Variants in NPHP4 observed in about 807,000 individuals in gnomAD.
NPHP4 encodes nephrocystin-4.
Under a neutral mutation model 155.8 loss-of-function variants are expected in NPHP4, and 151 were observed. The ratio of observed to expected loss-of-function variants is 0.97; its 90% CI spans 0.85 to 1.11. The LOEUF (loss-of-function observed/expected upper bound fraction) is 1.11. Ranked by LOEUF, NPHP4 falls within the 50% of genes least tolerant of loss-of-function variation. The pLI, the probability that NPHP4 is intolerant of heterozygous loss-of-function variation, is 0.00. For missense variants in NPHP4, 1,956 were observed against 1,925.7 expected, an observed-to-expected ratio of 1.02 and a Z score of -0.29; for synonymous variants, 845 against 816.8, an observed-to-expected ratio of 1.03 and a Z score of -0.59.
intron 23 of NPHP4, among the ~76,000 whole-genome samples, chr1:5,869,127 A>AC (rs35739724): frequency 0.14 from 18,744 of 135,216 alleles, 1,474 homozygotes; most frequent in Middle Eastern, 0.19. Flanking sequence ...ACACACGCAC[A>AC]ATGCACACAT....
rs545403191 is a variant in NPHP4, at chr1:5,939,369, C to T, written c.1120-6040G>A. On this transcript the variant is annotated intron_variant, in intron 9 of 29. Coordinates refer to ENST00000378156, the MANE Select transcript of NPHP4 (RefSeq NM_015102.5). ...AAAAGAAGCAACAGCAAAACTGTCA[C>T]GCATTTGGAGCCATGGCCTGGGTTG... Among the ~76,000 whole-genome samples, 85 of 152,358 alleles carry T rather than the reference C, an allele frequency of 5.6e-4. 1 individual carries two copies. Among genetic ancestry groups the T allele is most frequent in the South Asian group, 3.3e-3 (16 of 4,830 alleles).
intron 7 of NPHP4, 85 bp from the exon 8 acceptor site, chr1:5,948,336 G>T: frequency 1.0e-6 from 1 of 1,004,768 alleles, no homozygotes; most frequent in Non-Finnish European, 1.4e-6. Flanking sequence ...CGAGCAGAGA[G>T]AAGAAACTGG....
Position 5,986,320 on chromosome 1 carries a change from C to A in NPHP4, c.-31G>T. ...CCGCCTGAGGGTCCCGTGGGCTTCC[C>A]GGATGATCTGTGCCAGTCGTATTCA... On this transcript the variant is annotated 5_prime_UTR_variant, in exon 2 of 30. Coordinates refer to ENST00000378156, the MANE Select transcript of NPHP4 (RefSeq NM_015102.5). The A allele has an allele frequency of 6.2e-7, 1 of 1,611,888 alleles. No homozygotes were observed. Among genetic ancestry groups the A allele is most frequent in the East Asian group, 2.2e-5 (1 of 44,822 alleles).
At chr1:5,909,400 C>G (rs1410020261) in intron 11 of NPHP4, among the ~76,000 whole-genome samples, 187 bp from the exon 12 acceptor site, 3 of 152,208 alleles carry the variant, frequency 2.0e-5, no homozygotes, top group East Asian at 1.9e-4. Flanking sequence ...CGCTGTCTAT[C>G]TAGAGCCCTG....
chr1:5,926,349 G>C (rs12142363), intron 11 of NPHP4, among the ~76,000 whole-genome samples: 19,407 of 152,200 alleles, frequency 0.13, 1,432 homozygotes, highest in Non-Finnish European at 0.17. Flanking sequence ...AATCCTGAAA[G>C]ACCATGTTTA....
At chr1:5,863,758 A>G in intron 29 of NPHP4, 132 bp downstream of exon 29, 1 of 951,688 alleles carries the variant, frequency 1.1e-6, no homozygotes, top group Non-Finnish European at 1.6e-6. Flanking sequence ...ATGGGATGGT[A>G]CCTGTCACCG....
intron 11 of NPHP4, among the ~76,000 whole-genome samples, chr1:5,920,291 C>T (rs1645677409): frequency 6.6e-6 from 1 of 151,832 alleles, no homozygotes; most frequent in African/African-American, 2.4e-5. Flanking sequence ...GAACTCTTGG[C>T]TTCAAGCCAT....
intron 9 of NPHP4, among the ~76,000 whole-genome samples, chr1:5,942,683 G>A (rs373520164): frequency 4.0e-4 from 61 of 151,284 alleles, no homozygotes; most frequent in African/African-American, 1.3e-3. Flanking sequence ...AACTGGACAC[G>A]GTACTGGAGG....
chr1:5,973,025 C>T (rs573116938), intron 3 of NPHP4, among the ~76,000 whole-genome samples: 2 of 152,198 alleles, frequency 1.3e-5, no homozygotes, highest in South Asian at 2.1e-4. Context: ...GCTGGGATTA[C>T]GCGTGTGTGC....
chr1:5,912,455 G>A (rs1345201680), intron 11 of NPHP4, among the ~76,000 whole-genome samples: 7 of 150,524 alleles, frequency 4.7e-5, no homozygotes, highest in African/African-American at 9.8e-5. Context: ...GGAGAATGGC[G>A]TGAACCCGGG....
intron 23 of NPHP4, among the ~76,000 whole-genome samples, chr1:5,870,732 C>A (rs1380776098): frequency 6.6e-6 from 1 of 152,246 alleles, no homozygotes; most frequent in Non-Finnish European, 1.5e-5. Flanking sequence ...GTATGATGTT[C>A]GTAGAGGACA....
Position 5,905,847 on chromosome 1 carries a change from G to A in NPHP4, c.1612-64C>T. 6.7e-7 allele frequency: 1 copy of A among 1,491,062 alleles called. No individual in the cohort carries two copies. The highest frequency in any genetic ancestry group is 1.2e-5 in the South Asian group (1 of 80,082). 92.4% of individuals were successfully genotyped at this position (1,491,062 alleles called of 1,614,324 possible). The stretch of plus-strand genomic sequence containing the variant: ...ACCCCAACCCGTAACAACCAACGGT[G>A]CTCAGATCTAAGGGGATTCATCGAT... On this transcript the variant is annotated intron_variant, in intron 13 of 29. Transcript: ENST00000378156. The surrounding 1 kb of genome is among the most constrained non-coding windows in gnomAD (Gnocchi z 4.0).
At chr1:5,878,822 TTCTC>T (rs1389181411) in intron 19 of NPHP4, among the ~76,000 whole-genome samples, 1 of 152,150 alleles carries the variant, frequency 6.6e-6, no homozygotes, top group Non-Finnish European at 1.5e-5. Flanking sequence ...GCTCAGGGAC[TTCTC>T]TCTAAGGAGC....
In NPHP4 at chr1:5,864,552, C is replaced by T. The variant is rs765271126; in HGVS notation, c.3817-35G>A. 55 of 1,468,746 alleles carry T rather than the reference C, an allele frequency of 3.7e-5. No individual in the cohort carries two copies. The East Asian group carries it at 1.3e-3, about 35-fold the overall frequency. The allele number at this position is 1,468,746 out of a possible 1,614,324, so 91.0% of individuals were successfully genotyped here. A position where few individuals can be genotyped will look rare whatever the true frequency, so the allele number is the denominator to read the frequency against. On this transcript the variant is annotated intron_variant, in intron 27 of 29. Coordinates refer to ENST00000378156, the MANE Select transcript of NPHP4 (RefSeq NM_015102.5). ...CGAGAGAGGCGGGTCAGAGCACAGC[C>T]TCTCAGGATGTGCAAGCAAGGGGCT...
chr1:5,927,657 G>GA lies in NPHP4; in HGVS notation c.1432dup (p.Ser478PhefsTer137). The stretch of plus-strand genomic sequence containing the variant: ...TCTCTGGAAACACTTACTCGAAGGG[G>GA]ACGTGGGTGGTTTCCTGGAAGGCCG... On this transcript the variant is annotated frameshift_variant, in exon 11 of 30. Transcript: ENST00000378156. LOFTEE classifies it high-confidence loss of function. 1 of 1,610,772 alleles carries GA rather than the reference G, an allele frequency of 6.2e-7. No homozygotes were observed. The highest frequency in any genetic ancestry group is 8.5e-7 in the Non-Finnish European group (1 of 1,177,182).
intron 11 of NPHP4, among the ~76,000 whole-genome samples, chr1:5,919,827 A>G (rs1214613551): frequency 1.3e-5 from 2 of 151,982 alleles, no homozygotes; most frequent in African/African-American, 4.8e-5. Flanking sequence ...GCAGCCTCGA[A>G]TTCCTGGGTT....
intron 16 of NPHP4, among the ~76,000 whole-genome samples, chr1:5,898,118 G>A (rs1439177533): frequency 2.0e-5 from 3 of 152,210 alleles, no homozygotes; most frequent in East Asian, 1.9e-4. Flanking sequence ...AATGGACCGC[G>A]TTCTTTGGAA....
At chr1:5,932,512 G>A (rs1262679286) in intron 10 of NPHP4, among the ~76,000 whole-genome samples, 3 of 152,138 alleles carry the variant, frequency 2.0e-5, no homozygotes, top group Non-Finnish European at 4.4e-5. Flanking sequence ...ACTGTCTGTG[G>A]TGCCCTGGGT....
intron 16 of NPHP4, among the ~76,000 whole-genome samples, chr1:5,902,283 C>G (rs1570347551): frequency 6.6e-6 from 1 of 152,184 alleles, no homozygotes; most frequent in Non-Finnish European, 1.5e-5. Flanking sequence ...TGCAGAGAGG[C>G]GAGGGCTCAC....
Sources: allele counts gnomAD v4.1 joint callset (sites outside exome capture counted in the v4.1 genomes callset), GRCh38; gene constraint gnomAD v4.1.1; non-coding constraint Gnocchi (gnomAD v3.1); transcripts MANE v1.5; gene names NCBI Gene and HGNC (gene_info 2026-07-23, HGNC 2026-07-21).